LANCL2: variants seen among roughly 807,000 people sequenced by gnomAD.
The protein encoded by LANCL2 is lanC-like protein 2.
Under a neutral mutation model 56.9 loss-of-function variants are expected in LANCL2, and 33 were observed. The observed-to-expected ratio is 0.58, with a 90% CI of 0.44 to 0.78. LANCL2 has a LOEUF of 0.78. LANCL2 is among the 30% of genes least tolerant of loss of function. The pLI, the probability that LANCL2 is intolerant of heterozygous loss-of-function variation, is 0.00. For synonymous variants in LANCL2, 233 were observed against 228.2 expected, an observed-to-expected ratio of 1.02 and a Z score of -0.19; for missense variants, 562 against 580.2, an observed-to-expected ratio of 0.97 and a Z score of 0.32.
chr7:55,366,241 G>A lies in LANCL2; in HGVS notation c.204+12G>A. 1 of 1,481,830 alleles carries A rather than the reference G, an allele frequency of 6.7e-7. No individual in the cohort carries two copies. The highest frequency in any genetic ancestry group is 9.0e-7 in the Non-Finnish European group (1 of 1,108,658). The allele number at this position is 1,481,830 out of a possible 1,614,324, so 91.8% of individuals were successfully genotyped here. A position where few individuals can be genotyped will look rare whatever the true frequency, so the allele number is the denominator to read the frequency against. On this transcript the variant is annotated intron_variant, in intron 1 of 8. Coordinates refer to ENST00000254770, the MANE Select transcript of LANCL2 (RefSeq NM_018697.4). ...ATCAGGACGGGAAGGTGAGTCGGCG[G>A]CCTGGCCGCAGAGGCGCCGGAGGGG...
chr7:55,404,921 C>T (rs563827036), intron 5 of LANCL2, among the ~76,000 whole-genome samples: 1 of 152,302 alleles, frequency 6.6e-6, no homozygotes, highest in East Asian at 1.9e-4. Context: ...GATGCAGGTA[C>T]ATGCTTTCAA....
chr7:55,409,471 G>T (rs1790448914), intron 5 of LANCL2, among the ~76,000 whole-genome samples: 1 of 152,150 alleles, frequency 6.6e-6, no homozygotes, highest in Non-Finnish European at 1.5e-5. Flanking sequence ...GTAGAGCAAA[G>T]ACTGTTTAAA....
chr7:55,371,196 C>T (rs142099259), intron 1 of LANCL2, among the ~76,000 whole-genome samples: 1 of 152,262 alleles, frequency 6.6e-6, no homozygotes, highest in East Asian at 1.9e-4. Context: ...CCACTGCCTC[C>T]GGTAATAACT....
intron 4 of LANCL2, 123 bp downstream of exon 4, chr7:55,400,227 A>C: frequency 1.3e-6 from 1 of 777,314 alleles, no homozygotes; most frequent in Non-Finnish European, 1.9e-6. Context: ...CAACTCATCA[A>C]AAGTAAGAAA....
intron 6 of LANCL2, among the ~76,000 whole-genome samples, chr7:55,418,872 C>T (rs916155116): frequency 3.3e-4 from 50 of 151,886 alleles, no homozygotes; most frequent in Non-Finnish European, 1.9e-4. Flanking sequence ...TTTATTCAAA[C>T]GCTCCTATGG....
intron 5 of LANCL2, among the ~76,000 whole-genome samples, chr7:55,405,572 A>G (rs1790396418): frequency 6.7e-6 from 1 of 148,232 alleles, no homozygotes; most frequent in Non-Finnish European, 1.5e-5. Context: ...CCTACTGCAA[A>G]CTCCATCTCC....
intron 1 of LANCL2, among the ~76,000 whole-genome samples, chr7:55,372,030 A>G (rs1789949347): frequency 3.9e-5 from 6 of 152,070 alleles, no homozygotes; most frequent in Admixed American, 3.3e-4. Flanking sequence ...TGCAGATCCC[A>G]CTCCAAACCC....
At chr7:55,400,695 G>T (rs918389885) in intron 4 of LANCL2, among the ~76,000 whole-genome samples, 1 of 152,212 alleles carries the variant, frequency 6.6e-6, no homozygotes, top group Non-Finnish European at 1.5e-5. Flanking sequence ...GGAGATAGAC[G>T]TGAGGAAACA....
At chr7:55,392,002 T>G (rs1790196819) in intron 2 of LANCL2, 92 bp downstream of exon 2, 1 of 801,512 alleles carries the variant, frequency 1.2e-6, no homozygotes, top group Non-Finnish European at 2.1e-6. Flanking sequence ...TTTAAAATGG[T>G]AAAGATTTGG....
Position 55,428,390 on chromosome 7 carries a change from C to T in LANCL2, c.1201C>T (p.Leu401=), listed in dbSNP as rs1207842828. The change falls in exon 8 of 9, where the codon CTA becomes TTA. Residue 401 remains leucine (L), a synonymous_variant. Transcript: ENST00000254770. ...TTCTTTTCAGTTTGCAGAGTGGTGT[C>T]TAGATTACGGAGCACACGGGTGCCG... ...YRACKFAEWC[L]DYGAHGCRIP... 1 of 1,613,980 alleles carries T rather than the reference C, an allele frequency of 6.2e-7. No homozygotes were observed.
chr7:55,413,419 G>A (rs565513133), intron 6 of LANCL2, among the ~76,000 whole-genome samples: 64 of 152,340 alleles, frequency 4.2e-4, no homozygotes, highest in Middle Eastern at 6.8e-3. Flanking sequence ...AAGAGGCTCA[G>A]CCAACACAGC....
At chr7:55,375,019 G>T (rs1789985151) in intron 1 of LANCL2, among the ~76,000 whole-genome samples, 1 of 152,164 alleles carries the variant, frequency 6.6e-6, no homozygotes, top group Non-Finnish European at 1.5e-5. Flanking sequence ...TGTAGTAGAT[G>T]ATTTTATTAA....
At chr7:55,402,123 C>T (rs1790337419) in intron 5 of LANCL2, among the ~76,000 whole-genome samples, 3 of 146,390 alleles carry the variant, frequency 2.0e-5, no homozygotes, top group African/African-American at 7.6e-5. Flanking sequence ...GGCGGCCGGG[C>T]AGAGGCGCCC....
At chr7:55,427,981 A>G (rs566256024) in intron 7 of LANCL2, 192 of 173,490 alleles carry the variant, frequency 1.1e-3, no homozygotes, top group African/African-American at 4.3e-3. Context: ...AGCTGGGGCC[A>G]GGGGAGCCAG....
At position 55,366,122 on chromosome 7, in the gene LANCL2, G is replaced by C; in HGVS notation, c.97G>C (p.Ala33Pro). The C allele has an allele frequency of 6.5e-7, 1 of 1,545,288 alleles. No individual in the cohort carries two copies. ...AFVNPFPDYEAAAGALLASGA... is the reference protein window; with the variant it reads ...AFVNPFPDYEPAAGALLASGA... ...CGTCAACCCCTTCCCGGACTACGAG[G>C]CCGCCGCCGGGGCGCTGCTCGCCTC... The change falls in exon 1 of 9, where the codon GCC becomes CCC. Residue 33 changes from alanine (A) to proline (P), a missense_variant. This residue lies in a region of LANCL2 where 184 missense variants were observed against 111.8 expected (regional missense o/e 1.65). Coordinates refer to ENST00000254770, the MANE Select transcript of LANCL2 (RefSeq NM_018697.4).
intron 3 of LANCL2, among the ~76,000 whole-genome samples, chr7:55,399,504 CAGCT>C (rs991642209): frequency 1.3e-5 from 2 of 152,090 alleles, no homozygotes; most frequent in African/African-American, 4.8e-5. Flanking sequence ...CCACCACACC[CAGCT>C]AGTTTTGCAT....
intron 5 of LANCL2, among the ~76,000 whole-genome samples, chr7:55,403,678 T>C (rs1790371220): frequency 1.3e-5 from 2 of 150,540 alleles, no homozygotes; most frequent in Admixed American, 6.6e-5. Flanking sequence ...TTCCGGTGAT[T>C]CTCCTGCCTC....
At chr7:55,383,238 C>A (rs1161960740) in intron 1 of LANCL2, among the ~76,000 whole-genome samples, 1 of 152,024 alleles carries the variant, frequency 6.6e-6, no homozygotes, top group African/African-American at 2.4e-5. Context: ...GTTTAATAGG[C>A]AAGAAGGAAG....
At chr7:55,420,096 ATTTC>A (rs79447787) in intron 6 of LANCL2, among the ~76,000 whole-genome samples, 24,753 of 152,044 alleles carry the variant, frequency 0.16, 2,136 homozygotes, top group Middle Eastern at 0.27. Flanking sequence ...AATAAATAAA[ATTTC>A]TTTCTATGGA....
Sources: gnomAD v4.1 joint callset for allele counts (sites outside exome capture counted in the v4.1 genomes callset) on GRCh38, gnomAD v4.1.1 for gene constraint, gnomAD v4.1.1 regional missense constraint, MANE v1.5 for transcripts, NCBI Gene and HGNC (gene_info 2026-07-23, HGNC 2026-07-21) for gene names.